Variants in HK2 observed in about 807,000 individuals in gnomAD.
HK2 encodes hexokinase-2.
A neutral mutation model predicts 92.9 loss-of-function variants in HK2; 42 were observed. The ratio of observed to expected loss-of-function variants is 0.45; its 90% CI spans 0.35 to 0.58. The LOEUF (loss-of-function observed/expected upper bound fraction) is 0.58, where lower values mean the gene tolerates loss of function less well. Ranked by LOEUF, HK2 falls within the 20% of genes least tolerant of loss-of-function variation. The probability of loss-of-function intolerance (pLI) is 0.00; values close to 1 mark genes in which losing one functional copy is unlikely to be tolerated. For missense variants in HK2, 978 were observed against 1,245.1 expected (o/e 0.79, Z 3.23); for synonymous variants, 422 against 468.0 (o/e 0.90, Z 1.27).
In HK2 at chr2:74,889,219, CACTTGCTGT is replaced by C. The variant is rs1231027144; in HGVS notation, c.2376-25_2376-17del. The C allele has an allele frequency of 3.8e-6, 6 of 1,582,860 alleles. No individual in the cohort carries two copies. The highest frequency in any genetic ancestry group is 5.2e-6 in the Non-Finnish European group (6 of 1,157,038). On this transcript the variant is annotated splice_polypyrimidine_tract_variant and intron_variant, in intron 16 of 17. Transcript: ENST00000290573. ...CCAGCCTTCTTGGTGCATGACTGAACACTTGCTGTCTCCCTCCCACCCCAGTGACTGCCT... is the reference window on the plus strand; with the variant it reads ...CCAGCCTTCTTGGTGCATGACTGAACCTCCCTCCCACCCCAGTGACTGCCT...
chr2:74,834,510 CCGCGCCGCCCGCCTCCCCTCT>C lies in HK2; in HGVS notation c.-66_-46del. The C allele has an allele frequency of 1.3e-6, 2 of 1,505,178 alleles. No homozygotes were observed. The highest frequency in any genetic ancestry group is 2.3e-5 in the East Asian group (1 of 44,126). 93.2% of individuals were successfully genotyped at this position (1,505,178 alleles called of 1,614,324 possible). A position where few individuals can be genotyped will look rare whatever the true frequency, so the allele number is the denominator to read the frequency against. On this transcript the variant is annotated 5_prime_UTR_variant, in exon 1 of 18. Transcript: ENST00000290573. The surrounding 1 kb of genome is among the most constrained non-coding windows in gnomAD (Gnocchi z 4.2). Reference sequence around the variant, plus strand: ...CGAGCCCCAGCACAAAGCAGTCGGACCGCGCCGCCCGCCTCCCCTCTCGCGTCTCCGCCTCGGTTTCCCAAC... The same window carrying C: ...CGAGCCCCAGCACAAAGCAGTCGGACCGCGTCTCCGCCTCGGTTTCCCAAC...
At chr2:74,863,371 C>T (rs1688875239) in intron 2 of HK2, among the ~76,000 whole-genome samples, 1 of 152,248 alleles carries the variant, frequency 6.6e-6, no homozygotes, top group Non-Finnish European at 1.5e-5. Flanking sequence ...CAGATCACTC[C>T]ATTCCTAGTC....
chr2:74,875,956 T>G (rs372634761), intron 7 of HK2, among the ~76,000 whole-genome samples: 1 of 152,214 alleles, frequency 6.6e-6, no homozygotes, highest in African/African-American at 2.4e-5. Context: ...AGACAATTTT[T>G]GTCCCCTCTA....
intron 4 of HK2, among the ~76,000 whole-genome samples, chr2:74,872,871 A>G (rs1390455932): frequency 6.6e-6 from 1 of 152,242 alleles, no homozygotes; most frequent in Non-Finnish European, 1.5e-5. Flanking sequence ...CCTAGATGGT[A>G]TAGACTACTA....
At position 74,890,809 on chromosome 2, in the gene HK2, C is replaced by G. The variant is rs772681706; in HGVS notation, c.2622C>G (p.Val874=). ...LYKLHPHFAK[V]MHETVKDLAP... ...CCACCTTTTCCAGCTTTGCCAAAGT[C>G]ATGCATGAGACAGTGAAGGACCTGG... Residue 874 remains valine (V), a synonymous_variant, in exon 18 of 18, where the codon GTC becomes GTG. Coordinates refer to ENST00000290573, the MANE Select transcript of HK2 (RefSeq NM_000189.5). 2.5e-6 allele frequency: 4 copies of G among 1,614,030 alleles called. No homozygotes were observed. In the Admixed American group the frequency reaches 5.0e-5, roughly 20 times the overall value.
chr2:74,880,215 T>A (rs763176487), intron 9 of HK2, 50 bp from the exon 10 acceptor site: 64 of 1,601,006 alleles, frequency 4.0e-5, no homozygotes, highest in Non-Finnish European at 5.5e-5. Flanking sequence ...ATTTGCACCA[T>A]TGACCCTAAC....
intron 2 of HK2, among the ~76,000 whole-genome samples, chr2:74,862,000 C>A (rs1248276512): frequency 1.3e-5 from 2 of 152,198 alleles, no homozygotes; most frequent in Non-Finnish European, 2.9e-5. Flanking sequence ...TCTAGCCAGA[C>A]TTAAACCCTC....
At chr2:74,840,485 C>G (rs574160827) in intron 1 of HK2, among the ~76,000 whole-genome samples, 1 of 151,958 alleles carries the variant, frequency 6.6e-6, no homozygotes, top group Admixed American at 6.6e-5. Flanking sequence ...CTTGATAAGA[C>G]GTTCCTCATT....
At chr2:74,859,522 T>C (rs1040645865) in intron 2 of HK2, among the ~76,000 whole-genome samples, 1 of 152,008 alleles carries the variant, frequency 6.6e-6, no homozygotes, top group Non-Finnish European at 1.5e-5. Flanking sequence ...CTGTCTCTAC[T>C]AAAAATACAA....
rs766112229 is a variant in HK2, at chr2:74,885,491, T to A, written c.1840-3T>A. Reference sequence around the variant, plus strand: ...CCTTTCCATGCTTGTGTGTGATTTTTAGAGCATCCTCCTCAAGTGGACAAA... The same window carrying A: ...CCTTTCCATGCTTGTGTGTGATTTTAAGAGCATCCTCCTCAAGTGGACAAA... On this transcript the variant is annotated splice_polypyrimidine_tract_variant and splice_region_variant and intron_variant, in intron 12 of 17. Transcript: ENST00000290573. 6.2e-7 allele frequency: 1 copy of A among 1,610,520 alleles called. No homozygotes were observed. Among genetic ancestry groups the A allele is most frequent in the African/African-American group, 1.3e-5 (1 of 74,950 alleles).
chr2:74,849,942 T>C lies in HK2; in HGVS notation c.64-4351T>C, dbSNP rs561324808. ...AAGGGTTGACCTGAATGAGTCTGCT[T>C]TGATAGTATCCAGAAACTTACATCT... On this transcript the variant is annotated intron_variant, in intron 1 of 17. Transcript: ENST00000290573. Among the ~76,000 whole-genome samples, 3 of 152,358 alleles carry C rather than the reference T, an allele frequency of 2.0e-5. No homozygotes were observed. The South Asian group carries it at 6.2e-4, about 32-fold the overall frequency.
At chr2:74,861,693 A>C (rs547739257) in intron 2 of HK2, among the ~76,000 whole-genome samples, 42 of 152,308 alleles carry the variant, frequency 2.8e-4, no homozygotes, top group African/African-American at 9.6e-4. Flanking sequence ...TGCTGAACCA[A>C]AGTTTCTAGG....
At chr2:74,882,544 C>T (rs1689424681) in intron 12 of HK2, among the ~76,000 whole-genome samples, 1 of 143,352 alleles carries the variant, frequency 7.0e-6, no homozygotes, top group Non-Finnish European at 1.5e-5. Flanking sequence ...AGGAGGATTA[C>T]TTGAGGCCAG....
chr2:74,846,246 G>C (rs1346721282), intron 1 of HK2, among the ~76,000 whole-genome samples: 4 of 152,200 alleles, frequency 2.6e-5, no homozygotes, highest in Non-Finnish European at 5.9e-5. Context: ...GGCCTCTTTT[G>C]ACCTCTTTAA....
At chr2:74,877,833 A>G (rs1689271625) in intron 8 of HK2, among the ~76,000 whole-genome samples, 1 of 152,176 alleles carries the variant, frequency 6.6e-6, no homozygotes, top group South Asian at 2.1e-4. Context: ...AAGAGTGAGG[A>G]TGGCTTGATT....
intron 1 of HK2, among the ~76,000 whole-genome samples, chr2:74,836,192 A>G (rs1688160944): frequency 6.6e-6 from 1 of 152,136 alleles, no homozygotes; most frequent in Non-Finnish European, 1.5e-5. Context: ...CCTAAAATAC[A>G]CAGTGGAGCG....
chr2:74,859,367 A>C (rs996623472), intron 2 of HK2, among the ~76,000 whole-genome samples: 1 of 152,208 alleles, frequency 6.6e-6, no homozygotes, highest in Non-Finnish European at 1.5e-5. Flanking sequence ...AAGTGAAATA[A>C]ATCTTAAGAG....
Position 74,891,892 on chromosome 2 carries a change from G to A in HK2, c.*951G>A, listed in dbSNP as rs577292219. 6.5e-6 allele frequency: 1 copy of A among 152,746 alleles called. No individual in the cohort carries two copies. The highest frequency in any genetic ancestry group is 1.9e-4 in the East Asian group (1 of 5,192). 9.5% of individuals were successfully genotyped at this position (152,746 alleles called of 1,614,324 possible). On this transcript the variant is annotated 3_prime_UTR_variant, in exon 18 of 18. Transcript: ENST00000290573. ...CTCAGTGTAGTTAAAGGGCAGAAGG[G>A]GAAGATACTGACTAGTCATAGAAAT...
chr2:74,856,247 A>C (rs530316946), intron 2 of HK2, among the ~76,000 whole-genome samples: 1 of 152,172 alleles, frequency 6.6e-6, no homozygotes, highest in South Asian at 2.1e-4. Flanking sequence ...TCATCTCCCT[A>C]AGTGCCTCTA....
Sources: allele counts gnomAD v4.1 joint callset (sites outside exome capture counted in the v4.1 genomes callset), GRCh38; gene constraint gnomAD v4.1.1; non-coding constraint Gnocchi (gnomAD v3.1); transcripts MANE v1.5; gene names NCBI Gene and HGNC (gene_info 2026-07-23, HGNC 2026-07-21).